Variants in MBOAT2 observed in about 807,000 individuals in gnomAD.
The protein encoded by MBOAT2 is membrane bound glycerophospholipid O-acyltransferase 2.
In MBOAT2, 28 loss-of-function variants were observed where a neutral mutation model predicts 63.4. The observed-to-expected ratio is 0.44, with a 90% CI of 0.33 to 0.61. MBOAT2 has a LOEUF of 0.61. MBOAT2 is among the 20% of genes least tolerant of loss of function. MBOAT2 has a pLI of 0.03. For synonymous variants in MBOAT2, 211 were observed against 215.6 expected, an observed-to-expected ratio of 0.98 and a Z score of 0.19; for missense variants, 470 against 605.8, an observed-to-expected ratio of 0.78 and a Z score of 2.35.
At chr2:8,997,205 C>T (rs754480354) in intron 1 of MBOAT2, among the ~76,000 whole-genome samples, 7 of 152,218 alleles carry the variant, frequency 4.6e-5, no homozygotes, top group Non-Finnish European at 1.0e-4. Flanking sequence ...AGGAATCTTA[C>T]CAAGTGCTAT....
At chr2:8,951,550 T>C (rs967919141) in intron 2 of MBOAT2, among the ~76,000 whole-genome samples, 1 of 152,168 alleles carries the variant, frequency 6.6e-6, no homozygotes, top group Non-Finnish European at 1.5e-5. Flanking sequence ...TGTGAATCTA[T>C]CTGGTCAAGG....
At chr2:8,898,795 A>G (rs943515157) in intron 4 of MBOAT2, among the ~76,000 whole-genome samples, 2 of 152,202 alleles carry the variant, frequency 1.3e-5, no homozygotes, top group Admixed American at 6.5e-5. Flanking sequence ...AATACAGAAG[A>G]AGGCATCCTT....
At position 9,003,510 on chromosome 2, in the gene MBOAT2, G is replaced by C. The variant is rs1247983514; in HGVS notation, c.75+30C>G. On this transcript the variant is annotated intron_variant, in intron 1 of 12. Transcript: ENST00000305997. The surrounding 1 kb of genome is among the most constrained non-coding windows in gnomAD (Gnocchi z 5.4). ...CGGCGGGGAGGGGCGGCGAGGGCGC[G>C]ACGCCCGGCGCCAGGGCGCCTCGGG... The C allele has an allele frequency of 8.5e-7, 1 of 1,178,270 alleles. No homozygotes were observed. The highest frequency in any genetic ancestry group is 1.0e-6 in the Non-Finnish European group (1 of 953,892). 73.0% of individuals were successfully genotyped at this position (1,178,270 alleles called of 1,614,324 possible). A position where few individuals can be genotyped will look rare whatever the true frequency, so the allele number is the denominator to read the frequency against.
intron 3 of MBOAT2, among the ~76,000 whole-genome samples, chr2:8,923,206 C>A (rs1438917029): frequency 6.6e-6 from 1 of 152,218 alleles, no homozygotes; most frequent in Non-Finnish European, 1.5e-5. Context: ...TAAACCATGA[C>A]CTGCCATTGC....
chr2:8,941,162 A>G (rs566655782), intron 3 of MBOAT2, among the ~76,000 whole-genome samples: 59 of 152,372 alleles, frequency 3.9e-4, no homozygotes, highest in African/African-American at 1.3e-3. Flanking sequence ...AGGGAGCTAA[A>G]AAAGAGATTA....
intron 3 of MBOAT2, among the ~76,000 whole-genome samples, chr2:8,911,284 G>A (rs1200918789): frequency 6.6e-6 from 1 of 152,160 alleles, no homozygotes; most frequent in Non-Finnish European, 1.5e-5. Flanking sequence ...TCAAGAACTT[G>A]AGCTTGATTC....
chr2:9,003,499 G>T lies in MBOAT2; in HGVS notation c.75+41C>A. On this transcript the variant is annotated intron_variant, in intron 1 of 12. Coordinates refer to ENST00000305997, the MANE Select transcript of MBOAT2 (RefSeq NM_138799.4). The surrounding 1 kb of genome is among the most constrained non-coding windows in gnomAD (Gnocchi z 5.4). ...GGGTGGCACCGCGGCGGGGAGGGGC[G>T]GCGAGGGCGCGACGCCCGGCGCCAG... 1.7e-6 allele frequency: 2 copies of T among 1,164,286 alleles called. No homozygotes were observed. Among genetic ancestry groups the T allele is most frequent in the Non-Finnish European group, 2.1e-6 (2 of 943,164 alleles). 72.1% of individuals were successfully genotyped at this position (1,164,286 alleles called of 1,614,324 possible).
chr2:8,908,605 A>C lies in MBOAT2; in HGVS notation c.395+16T>G. ...AATGGATAAAACAGGCTACTGAATC[A>C]AAGTTTTCATCTTACCCTGAAAAAT... On this transcript the variant is annotated intron_variant, in intron 4 of 12. Coordinates refer to ENST00000305997, the MANE Select transcript of MBOAT2 (RefSeq NM_138799.4). 1 of 1,495,850 alleles carries C rather than the reference A, an allele frequency of 6.7e-7. No homozygotes were observed. Among genetic ancestry groups the C allele is most frequent in the Non-Finnish European group, 9.3e-7 (1 of 1,080,528 alleles). 92.7% of individuals were successfully genotyped at this position (1,495,850 alleles called of 1,614,324 possible).
At chr2:8,868,946 T>G (rs1662107456) in intron 8 of MBOAT2, among the ~76,000 whole-genome samples, 1 of 152,232 alleles carries the variant, frequency 6.6e-6, no homozygotes, top group Non-Finnish European at 1.5e-5. Context: ...TAATCATATA[T>G]TTGAAGTGTC....
intron 4 of MBOAT2, among the ~76,000 whole-genome samples, chr2:8,890,977 A>G (rs1663950568): frequency 6.6e-6 from 1 of 152,172 alleles, no homozygotes; most frequent in South Asian, 2.1e-4. Flanking sequence ...TTACTTTTCT[A>G]TTACTACAAA....
chr2:8,920,233 GTAAGGGTCAGGTTCA>G (rs1214165479), intron 3 of MBOAT2, among the ~76,000 whole-genome samples: 1 of 152,140 alleles, frequency 6.6e-6, no homozygotes, highest in East Asian at 1.9e-4. Context: ...ATGATGTGAG[GTAAGGGTCAGGTTCA>G]TTTCTGTGCA....
At position 8,862,771 on chromosome 2, in the gene MBOAT2, G is replaced by C; in HGVS notation, c.1053-49C>G. On this transcript the variant is annotated intron_variant, in intron 10 of 12. Coordinates refer to ENST00000305997, the MANE Select transcript of MBOAT2 (RefSeq NM_138799.4). This position sits in a 1 kb window ranked among gnomAD's most constrained non-coding sequence, Gnocchi z 4.3. ...GAGCCAAGTGGAGTGAGTGACCCGAGTTTACAAAGCCTGCAATGATCATTC... is the reference window on the plus strand; with the variant it reads ...GAGCCAAGTGGAGTGAGTGACCCGACTTTACAAAGCCTGCAATGATCATTC... The C allele has an allele frequency of 1.3e-6, 2 of 1,578,980 alleles. No homozygotes were observed. Among genetic ancestry groups the C allele is most frequent in the Non-Finnish European group, 1.7e-6 (2 of 1,166,176 alleles).
rs2148524618 is a variant in MBOAT2 at position 8,873,299 on chromosome 2, G to A, written c.692C>T (p.Thr231Ile). Residue 231 changes from threonine to isoleucine, a missense_variant and splice_region_variant, in exon 8 of 13, where the codon ACT becomes ATT. Transcript: ENST00000305997. The part of the protein sequence containing the change: ...QYERTEPSPN[T>I]AVVQKLLVCG... ...AACTAAGAGCTTCTGAACAACCGCA[G>A]TCTGAAAAGCGCAAGGCGAGACTTC... 1 of 1,612,088 alleles carries A rather than the reference G, an allele frequency of 6.2e-7. No individual in the cohort carries two copies. Among genetic ancestry groups the A allele is most frequent in the East Asian group, 2.2e-5 (1 of 44,852 alleles).
chr2:8,898,086 G>A (rs1205899247), intron 4 of MBOAT2, among the ~76,000 whole-genome samples: 1 of 152,210 alleles, frequency 6.6e-6, no homozygotes, highest in Non-Finnish European at 1.5e-5. Flanking sequence ...ACTTTGGTAT[G>A]CCACTGTTTG....
chr2:8,935,612 T>C (rs1295916721), intron 3 of MBOAT2, among the ~76,000 whole-genome samples: 1 of 152,268 alleles, frequency 6.6e-6, no homozygotes, highest in Non-Finnish European at 1.5e-5. Flanking sequence ...TGAACACCTC[T>C]TCTTGGTAGC....
chr2:8,974,880 T>A (rs1264889832), intron 1 of MBOAT2, among the ~76,000 whole-genome samples: 1 of 152,136 alleles, frequency 6.6e-6, no homozygotes, highest in Admixed American at 6.5e-5. Context: ...TGCAAGCATT[T>A]TCATCCTAGG....
chr2:8,976,912 T>C (rs777911450), intron 1 of MBOAT2, among the ~76,000 whole-genome samples: 1 of 152,146 alleles, frequency 6.6e-6, no homozygotes, highest in Non-Finnish European at 1.5e-5. Flanking sequence ...AATAATTATG[T>C]GGAGTCCAAG....
In MBOAT2 at chr2:8,923,865, G is replaced by A. The variant is rs1213522394; in HGVS notation, c.300-15149C>T. ...CATCCAGTTGTACAGCCGTTTCAGG[G>A]GGAAGAACATTCACTGACCCCTTCA... On this transcript the variant is annotated intron_variant, in intron 3 of 12. Coordinates refer to ENST00000305997, the MANE Select transcript of MBOAT2 (RefSeq NM_138799.4). 2.0e-5 allele frequency among the ~76,000 whole-genome samples: 3 copies of A among 152,234 alleles called. No homozygotes were observed. In the East Asian group the frequency reaches 5.8e-4, roughly 29 times the overall value.
In MBOAT2 at chr2:8,943,261, A is replaced by G; in HGVS notation, c.225T>C (p.Tyr75=). The stretch of plus-strand genomic sequence containing the variant: ...CACTTTGTACAAGAAAGTGTAAGGC[A>G]TACCTATAAAAAGTAAGAGCACTAT... ...LYLALFCFGW[Y]ALHFLVQSGI... The change falls in exon 3 of 13, where the codon TAT becomes TAC. Residue 75 remains tyrosine, a synonymous_variant. Transcript: ENST00000305997. 2 of 1,557,558 alleles carry G rather than the reference A, an allele frequency of 1.3e-6. No individual in the cohort carries two copies. Among genetic ancestry groups the G allele is most frequent in the Admixed American group, 3.6e-5 (2 of 56,244 alleles).
Sources: allele counts gnomAD v4.1 joint callset (sites outside exome capture counted in the v4.1 genomes callset), GRCh38; gene constraint gnomAD v4.1.1; non-coding constraint Gnocchi (gnomAD v3.1); transcripts MANE v1.5; gene names NCBI Gene and HGNC (gene_info 2026-07-23, HGNC 2026-07-21).